Variants in NEBL observed in about 807,000 individuals in gnomAD.
NEBL encodes the protein nebulette, also known as LIM and SH3 protein 2.
A neutral mutation model predicts 140.2 loss-of-function variants in NEBL; 122 were observed. The observed-to-expected ratio is 0.87, with a 90% CI of 0.75 to 1.01. The LOEUF is 1.01. NEBL is among the 50% of genes least tolerant of loss of function. NEBL has a pLI of 0.00. For synonymous variants in NEBL, 436 were observed against 398.9 expected (o/e 1.09, Z -1.11); for missense variants, 1,365 against 1,231.3 (o/e 1.11, Z -1.62).
intron 5 of NEBL, 104 bp downstream of exon 5, chr10:20,880,690 T>A: frequency 1.2e-6 from 1 of 861,510 alleles, no homozygotes; most frequent in Non-Finnish European, 2.0e-6. Flanking sequence ...AAGTCTTTTT[T>A]GAACAGGGCT....
chr10:20,984,776 G>A (rs992062882), intron 3 of NEBL, among the ~76,000 whole-genome samples: 9 of 151,954 alleles, frequency 5.9e-5, no homozygotes, highest in Non-Finnish European at 8.8e-5. Flanking sequence ...GCTAGGAGCC[G>A]GGCTGCACAG....
intron 25 of NEBL, 117 bp downstream of exon 25, chr10:20,809,689 G>T: frequency 3.4e-6 from 3 of 869,730 alleles, no homozygotes; most frequent in Admixed American, 2.4e-5. Context: ...TTTTTGGTTT[G>T]CCAAATTCTC....
Position 20,812,756 on chromosome 10 carries a change from G to A in NEBL, c.2518+13C>T, listed in dbSNP as rs569790488. 23 of 1,613,568 alleles carry A rather than the reference G, an allele frequency of 1.4e-5. No individual in the cohort carries two copies. In the Admixed American group the frequency reaches 2.5e-4, roughly 18 times the overall value. The stretch of plus-strand genomic sequence containing the variant: ...CGACCACACACACCGGCCGACAAAC[G>A]CCGTCAGCTTACCAACAATGATTCC... On this transcript the variant is annotated intron_variant, in intron 24 of 27. Coordinates refer to ENST00000377122, the MANE Select transcript of NEBL (RefSeq NM_006393.3).
At chr10:21,151,679 T>A (rs2132128233) in intron 2 of NEBL, among the ~76,000 whole-genome samples, 1 of 152,184 alleles carries the variant, frequency 6.6e-6, no homozygotes, top group Admixed American at 6.5e-5. Context: ...CCACACAGGC[T>A]TCCTGCCTGG....
chr10:20,896,005 T>A (rs1342131563), intron 2 of NEBL, among the ~76,000 whole-genome samples: 1 of 152,188 alleles, frequency 6.6e-6, no homozygotes, highest in Non-Finnish European at 1.5e-5. Flanking sequence ...CCAGGCAGGT[T>A]GACTTTGGAG....
chr10:20,855,325 T>A (rs1842958092), intron 9 of NEBL, among the ~76,000 whole-genome samples: 2 of 151,830 alleles, frequency 1.3e-5, no homozygotes, highest in Admixed American at 6.6e-5. Context: ...TATCTTGTAA[T>A]ATGTATTTAT....
chr10:21,132,349 T>C (rs1230126607), intron 2 of NEBL, among the ~76,000 whole-genome samples: 1 of 152,196 alleles, frequency 6.6e-6, no homozygotes, highest in Non-Finnish European at 1.5e-5. Context: ...GGTGTTCCAT[T>C]GTATAGATGT....
At chr10:20,981,027 C>A (rs1837017743) in intron 3 of NEBL, among the ~76,000 whole-genome samples, 1 of 152,080 alleles carries the variant, frequency 6.6e-6, no homozygotes, top group South Asian at 2.1e-4. Flanking sequence ...TGGCCCCAAG[C>A]GATCCTACCA....
intron 12 of NEBL, among the ~76,000 whole-genome samples, chr10:20,843,372 C>A (rs1333122133): frequency 6.6e-6 from 1 of 152,034 alleles, no homozygotes; most frequent in Non-Finnish European, 1.5e-5. Context: ...CAATACAATA[C>A]AGTGTTCTGA....
chr10:21,224,619 T>C (rs903952441), intron 3 of NEBL, among the ~76,000 whole-genome samples: 29 of 152,350 alleles, frequency 1.9e-4, no homozygotes, highest in African/African-American at 7.0e-4. Context: ...ACAATATTTA[T>C]TCTTCCAATC....
chr10:21,250,829 G>A (rs1019885153), intron 2 of NEBL, among the ~76,000 whole-genome samples: 4 of 152,016 alleles, frequency 2.6e-5, no homozygotes, highest in Admixed American at 2.6e-4. Flanking sequence ...GAAGGAGGAG[G>A]TTGCAGTGAG....
intron 3 of NEBL, among the ~76,000 whole-genome samples, chr10:21,225,346 G>A (rs530800811): frequency 6.6e-6 from 1 of 152,188 alleles, no homozygotes; most frequent in African/African-American, 2.4e-5. Context: ...AAGCCAGCAC[G>A]ACACAGGGTT....
chr10:20,911,007 T>C (rs1334643915), intron 4 of NEBL, among the ~76,000 whole-genome samples: 6 of 151,520 alleles, frequency 4.0e-5, no homozygotes, highest in East Asian at 1.9e-4. Flanking sequence ...GTCTCTAAAA[T>C]AGAAAAACTA....
At chr10:20,819,260 CTA>C in intron 20 of NEBL, 162 bp downstream of exon 20, 1 of 1,196,324 alleles carries the variant, frequency 8.4e-7, no homozygotes, top group South Asian at 1.4e-5. Context: ...TTATTCCCCT[CTA>C]TGTGTCCATG....
intron 2 of NEBL, among the ~76,000 whole-genome samples, chr10:21,163,188 A>C (rs57091318): frequency 0.085 from 13,004 of 152,258 alleles, 1,483 homozygotes; most frequent in African/African-American, 0.27. Context: ...AGGCTCTGAA[A>C]GTCTGCTAGA....
chr10:21,029,780 G>T, intron 2 of NEBL: 1 of 760,840 alleles, frequency 1.3e-6, no homozygotes, highest in South Asian at 1.5e-5. Flanking sequence ...TCGCTATGAT[G>T]ACCGAGGCAG....
At chr10:21,157,978 CAG>C (rs1194778378) in intron 2 of NEBL, among the ~76,000 whole-genome samples, 2 of 152,308 alleles carry the variant, frequency 1.3e-5, no homozygotes, top group East Asian at 1.9e-4. Context: ...GGGCCTGAAA[CAG>C]AGTCTTCCCT....
chr10:21,142,161 C>T (rs904084470), intron 2 of NEBL, among the ~76,000 whole-genome samples: 8 of 152,202 alleles, frequency 5.3e-5, no homozygotes, highest in African/African-American at 1.7e-4. Flanking sequence ...TAAGCATTCA[C>T]TCTTGGTGGT....
chr10:20,922,023 T>C (rs1316327452), intron 4 of NEBL, among the ~76,000 whole-genome samples: 2 of 152,238 alleles, frequency 1.3e-5, no homozygotes, highest in African/African-American at 4.8e-5. Flanking sequence ...CAAGCAATGG[T>C]CTCCTAAGTA....
Sources: allele counts gnomAD v4.1 joint callset (sites outside exome capture counted in the v4.1 genomes callset), GRCh38; gene constraint gnomAD v4.1.1; transcripts MANE v1.5; gene names NCBI Gene and HGNC (gene_info 2026-07-23, HGNC 2026-07-21).